ZNF385D: variants seen among roughly 807,000 people sequenced by gnomAD.
ZNF385D encodes the protein zinc finger protein 385D.
Under a neutral mutation model 35.8 loss-of-function variants are expected in ZNF385D, and 15 were observed. The ratio of observed to expected loss-of-function variants is 0.42; its 90% CI spans 0.28 to 0.64. The LOEUF is 0.64. Ranked by LOEUF, ZNF385D falls within the 30% of genes least tolerant of loss-of-function variation. The pLI is 0.23. For missense variants in ZNF385D, 474 were observed against 494.6 expected, an observed-to-expected ratio of 0.96 and a Z score of 0.39; for synonymous variants, 212 against 186.8, an observed-to-expected ratio of 1.13 and a Z score of -1.10.
At chr3:21,761,889 T>G (rs1428905198) in intron 3 of ZNF385D, among the ~76,000 whole-genome samples, 1 of 137,328 alleles carries the variant, frequency 7.3e-6, no homozygotes, top group South Asian at 2.5e-4. Context: ...TTTTTTTTTT[T>G]TTTTTTTTGA....
intron 3 of ZNF385D, among the ~76,000 whole-genome samples, chr3:21,910,283 T>C (rs758036725): frequency 3.3e-5 from 5 of 151,932 alleles, no homozygotes; most frequent in Non-Finnish European, 5.9e-5. Flanking sequence ...GTTCATTATA[T>C]AGGTTGCATA....
chr3:22,359,077 A>AC, intron 2 of ZNF385D, among the ~76,000 whole-genome samples: 1 of 131,478 alleles, frequency 7.6e-6, no homozygotes, highest in South Asian at 2.2e-4. Context: ...AAAAAACCAA[A>AC]AAAAAAAACA....
chr3:21,685,129 A>T (rs1394829536), intron 1 of ZNF385D, among the ~76,000 whole-genome samples: 2 of 152,198 alleles, frequency 1.3e-5, no homozygotes, highest in Non-Finnish European at 2.9e-5. Flanking sequence ...TGGCCCATAC[A>T]GGTGTTATGG....
rs56274402 is a variant in ZNF385D at position 21,895,680 on chromosome 3, G to A, written c.326-230652C>T. On this transcript the variant is annotated intron_variant, in intron 3 of 5. Coordinates refer to the ZNF385D transcript ENST00000494108. ...TAAACATGAAAGATTTCCCTTTGGG[G>A]AAAATAAAGTATAGTGGCAGTATGC... Among the ~76,000 whole-genome samples the A allele has an allele frequency of 6.8e-3, 1,033 of 152,052 alleles. 10 individuals are homozygous for A. The highest frequency in any genetic ancestry group is 0.024 in the African/African-American group (978 of 41,450).
chr3:21,831,395 T>C (rs148809237), intron 3 of ZNF385D, among the ~76,000 whole-genome samples: 142 of 152,298 alleles, frequency 9.3e-4, no homozygotes, highest in African/African-American at 3.0e-3. Flanking sequence ...TCTTTTCTAT[T>C]TGTTCAACCC....
chr3:21,552,179 T>C (rs1346515796), intron 3 of ZNF385D, among the ~76,000 whole-genome samples: 6 of 152,222 alleles, frequency 3.9e-5, no homozygotes, highest in Non-Finnish European at 7.4e-5. Flanking sequence ...ACAAAAGGGC[T>C]GTCGCATTGG....
chr3:22,356,542 G>T (rs578169600), intron 2 of ZNF385D, among the ~76,000 whole-genome samples: 2 of 151,992 alleles, frequency 1.3e-5, no homozygotes, highest in East Asian at 3.9e-4. Context: ...GGTCTTCTGT[G>T]CTAGAACTCT....
At chr3:22,094,321 G>A (rs1440638224) in intron 3 of ZNF385D, among the ~76,000 whole-genome samples, 1 of 107,180 alleles carries the variant, frequency 9.3e-6, no homozygotes, top group Admixed American at 9.6e-5. Flanking sequence ...TTCTTAAGTT[G>A]TACCCTTTTT....
chr3:21,629,585 C>T (rs2065225257), intron 2 of ZNF385D, among the ~76,000 whole-genome samples: 1 of 152,106 alleles, frequency 6.6e-6, no homozygotes, highest in Admixed American at 6.6e-5. Flanking sequence ...TGTAGAGTTT[C>T]TTTTTCTTCT....
At chr3:22,301,217 G>A (rs958697683) in intron 2 of ZNF385D, among the ~76,000 whole-genome samples, 1 of 152,012 alleles carries the variant, frequency 6.6e-6, no homozygotes, top group Non-Finnish European at 1.5e-5. Context: ...CTTATATATG[G>A]AATCTTAAGA....
chr3:22,046,095 C>T (rs1698991225), intron 3 of ZNF385D, among the ~76,000 whole-genome samples: 1 of 151,722 alleles, frequency 6.6e-6, no homozygotes, highest in Non-Finnish European at 1.5e-5. Context: ...AGTGGCTTAG[C>T]ACAACTGTTT....
intron 2 of ZNF385D, among the ~76,000 whole-genome samples, chr3:22,226,875 G>A (rs183421283): frequency 9.3e-4 from 141 of 152,204 alleles, no homozygotes; most frequent in Non-Finnish European, 1.7e-3. Context: ...CAACTCCTAT[G>A]ACCTTAATAT....
At chr3:21,454,072 A>G (rs1055328095) in intron 4 of ZNF385D, among the ~76,000 whole-genome samples, 2 of 152,124 alleles carry the variant, frequency 1.3e-5, no homozygotes, top group African/African-American at 2.4e-5. Flanking sequence ...TGAAAGCACT[A>G]TGCCAAATGA....
chr3:22,177,744 C>A (rs1167293934), intron 2 of ZNF385D, among the ~76,000 whole-genome samples: 1 of 152,154 alleles, frequency 6.6e-6, no homozygotes, highest in Non-Finnish European at 1.5e-5. Flanking sequence ...TCCCCAAACC[C>A]CACAACAGTC....
Position 21,959,668 on chromosome 3 carries a change from T to C in ZNF385D, c.325+209149A>G, listed in dbSNP as rs1264251849. Among the ~76,000 whole-genome samples, 6 of 152,306 alleles carry C rather than the reference T, an allele frequency of 3.9e-5. No homozygotes were observed. In the East Asian group the frequency reaches 9.7e-4, roughly 25 times the overall value. On this transcript the variant is annotated intron_variant, in intron 3 of 5. Transcript: ENST00000494108. ...ACCATGGAAGATGGGGCTAGCCCCA[T>C]GGGTGGGTACACAGAAAAGGAACCT... is the stretch of plus-strand genomic sequence containing the variant.
intron 3 of ZNF385D, among the ~76,000 whole-genome samples, chr3:21,561,295 C>T (rs978479293): frequency 7.9e-5 from 12 of 152,168 alleles, no homozygotes; most frequent in Admixed American, 7.2e-4. Context: ...TAGGGAATAT[C>T]CTGGTCTGCG....
At chr3:22,337,992 A>T (rs563999033) in intron 2 of ZNF385D, among the ~76,000 whole-genome samples, 1 of 152,348 alleles carries the variant, frequency 6.6e-6, no homozygotes, top group South Asian at 2.1e-4. Context: ...TATGGGGTTT[A>T]TGTGGCTGCA....
intron 3 of ZNF385D, among the ~76,000 whole-genome samples, chr3:21,970,863 A>T (rs1269366534): frequency 1.3e-5 from 2 of 152,150 alleles, no homozygotes; most frequent in African/African-American, 4.8e-5. Flanking sequence ...TAAGTCTGGC[A>T]GCAGAATTTC....
intron 2 of ZNF385D, among the ~76,000 whole-genome samples, chr3:22,354,459 T>G (rs1190587344): frequency 6.6e-6 from 1 of 152,050 alleles, no homozygotes; most frequent in African/African-American, 2.4e-5. Context: ...AAATACCTTA[T>G]AAAAATTTAA....
Sources: allele counts gnomAD v4.1 joint callset (sites outside exome capture counted in the v4.1 genomes callset), GRCh38; gene constraint gnomAD v4.1.1; transcripts MANE v1.5; gene names NCBI Gene and HGNC (gene_info 2026-07-23, HGNC 2026-07-21).